MYO10: variants seen among roughly 807,000 people sequenced by gnomAD.
MYO10 encodes unconventional myosin-X.
Under a neutral mutation model 257.3 loss-of-function variants are expected in MYO10, and 133 were observed. The observed-to-expected ratio is 0.52, with a 90% CI of 0.45 to 0.60. The LOEUF is 0.60. Among genes scored for constraint, MYO10 ranks in the 20% least tolerant of loss-of-function variants. The pLI, the probability that MYO10 is intolerant of heterozygous loss-of-function variation, is 0.00. For missense variants in MYO10, 2,399 were observed against 2,635.7 expected (o/e 0.91, Z 1.97); for synonymous variants, 1,104 against 1,028.6 (o/e 1.07, Z -1.40).
intron 26 of MYO10, among the ~76,000 whole-genome samples, chr5:16,694,880 A>G (rs1173616180): frequency 6.6e-6 from 1 of 152,222 alleles, no homozygotes; most frequent in African/African-American, 2.4e-5. Context: ...CTTTGAAAGG[A>G]GCCAATAGAA....
chr5:16,701,901 G>A lies in MYO10; in HGVS notation c.2557-63C>T, dbSNP rs1014248936. 1.1e-4 allele frequency: 171 copies of A among 1,513,434 alleles called. No individual in the cohort carries two copies. The highest frequency in any genetic ancestry group is 1.4e-4 in the East Asian group (6 of 44,306). The allele number at this position is 1,513,434 out of a possible 1,614,324, so 93.8% of individuals were successfully genotyped here. Reference sequence around the variant, plus strand: ...GTACAAAAGTCCAAGCATAGCTCCCGCTTTGCAACCAGGATGAAATATGGT... The same window carrying A: ...GTACAAAAGTCCAAGCATAGCTCCCACTTTGCAACCAGGATGAAATATGGT... On this transcript the variant is annotated intron_variant, in intron 24 of 40. Coordinates refer to ENST00000513610, the MANE Select transcript of MYO10 (RefSeq NM_012334.3). This position sits in a 1 kb window ranked among gnomAD's most constrained non-coding sequence, Gnocchi z 8.1.
intron 32 of MYO10, among the ~76,000 whole-genome samples, 184 bp downstream of exon 32, chr5:16,681,125 T>C (rs906061262): frequency 2.0e-5 from 3 of 152,214 alleles, no homozygotes; most frequent in Non-Finnish European, 4.4e-5. Context: ...AATCGACCTC[T>C]AGTACGGCTT....
At position 16,891,679 on chromosome 5, in the gene MYO10, G is replaced by A. The variant is rs1307454514; in HGVS notation, c.22-13972C>T. Among the ~76,000 whole-genome samples the A allele has an allele frequency of 3.9e-5, 6 of 152,202 alleles. No individual in the cohort carries two copies. The East Asian group carries it at 9.7e-4, about 25-fold the overall frequency. On this transcript the variant is annotated intron_variant, in intron 1 of 40. Coordinates refer to ENST00000513610, the MANE Select transcript of MYO10 (RefSeq NM_012334.3). ...ACAGGGAGGGAGAGACAACTATGCA[G>A]ACAAATAGGTAGACTCACACCTGAC...
chr5:16,857,299 A>G (rs1388923888), intron 2 of MYO10, among the ~76,000 whole-genome samples: 1 of 152,228 alleles, frequency 6.6e-6, no homozygotes, highest in Non-Finnish European at 1.5e-5. Flanking sequence ...CTGACACAAT[A>G]CTGCTCAATA....
chr5:16,886,836 G>A (rs1285571771), intron 1 of MYO10, among the ~76,000 whole-genome samples: 2 of 150,878 alleles, frequency 1.3e-5, no homozygotes, highest in East Asian at 3.9e-4. Flanking sequence ...GGAGTCTGAA[G>A]CATGAGAATC....
rs70940395 is a variant in MYO10, at chr5:16,663,328, G to GTTTTTTT, written c.*3357_*3363dup. The GTTTTTTT allele has an allele frequency of 2.6e-3, 203 of 76,866 alleles. 30 individuals carry two copies. The highest frequency in any genetic ancestry group is 5.9e-3 in the African/African-American group (91 of 15,518). The allele number at this position is 76,866 out of a possible 1,614,324, so 4.8% of individuals were successfully genotyped here. On this transcript the variant is annotated 3_prime_UTR_variant, in exon 41 of 41. Transcript: ENST00000513610. ...AAAAAGTAACATTTTACTTCTAGTT[G>GTTTTTTT]TTTTTTTTTTTTTTTTTTTTTTTTT...
At chr5:16,695,069 C>T (rs1233965452) in intron 26 of MYO10, among the ~76,000 whole-genome samples, 1 of 152,174 alleles carries the variant, frequency 6.6e-6, no homozygotes, top group Non-Finnish European at 1.5e-5. Context: ...AGCGGTGGCT[C>T]ATGCCTGTAA....
chr5:16,880,575 A>C (rs946514572), intron 1 of MYO10, among the ~76,000 whole-genome samples: 1 of 152,218 alleles, frequency 6.6e-6, no homozygotes, highest in Non-Finnish European at 1.5e-5. Context: ...CTCTGCTATA[A>C]AGATGGAAAA....
At chr5:16,741,210 G>T (rs1048006900) in intron 19 of MYO10, among the ~76,000 whole-genome samples, 2 of 152,154 alleles carry the variant, frequency 1.3e-5, no homozygotes, top group Admixed American at 1.3e-4. Flanking sequence ...AACAGAATAT[G>T]CCTCATCAGG....
intron 1 of MYO10, among the ~76,000 whole-genome samples, chr5:16,913,319 A>G (rs1745725345): frequency 6.6e-6 from 1 of 152,214 alleles, no homozygotes; most frequent in African/African-American, 2.4e-5. Context: ...CTAGCAATAA[A>G]GCACAGAGAT....
intron 19 of MYO10, among the ~76,000 whole-genome samples, chr5:16,733,917 G>A (rs1051862889): frequency 2.6e-5 from 4 of 152,070 alleles, no homozygotes; most frequent in South Asian, 4.1e-4. Flanking sequence ...TGGGTGACTC[G>A]AACTGCTTAA....
At chr5:16,713,686 C>A (rs942854686) in intron 19 of MYO10, among the ~76,000 whole-genome samples, 6 of 152,136 alleles carry the variant, frequency 3.9e-5, no homozygotes, top group Admixed American at 3.3e-4. Context: ...ACCCACCCTG[C>A]GATCACAATC....
intron 1 of MYO10, among the ~76,000 whole-genome samples, chr5:16,885,227 T>C (rs1407899128): frequency 6.6e-6 from 1 of 151,606 alleles, no homozygotes; most frequent in East Asian, 1.9e-4. Flanking sequence ...CGACTTTTAA[T>C]GCAGATTATT....
At chr5:16,930,356 T>C (rs1484044034) in intron 1 of MYO10, among the ~76,000 whole-genome samples, 1 of 151,944 alleles carries the variant, frequency 6.6e-6, no homozygotes, top group Non-Finnish European at 1.5e-5. Context: ...GAGAAAAGAA[T>C]AAAGAGAGAG....
intron 30 of MYO10, among the ~76,000 whole-genome samples, chr5:16,682,477 A>G (rs1165667110): frequency 6.6e-6 from 1 of 152,206 alleles, no homozygotes; most frequent in Non-Finnish European, 1.5e-5. Flanking sequence ...TTATACAAAA[A>G]GCCACCTGGG....
At chr5:16,859,848 C>G (rs1262685796) in intron 2 of MYO10, among the ~76,000 whole-genome samples, 2 of 152,344 alleles carry the variant, frequency 1.3e-5, no homozygotes, top group African/African-American at 4.8e-5. Context: ...TGTTCACTCC[C>G]TGAGCATCCC....
chr5:16,787,858 C>T (rs539160388), intron 4 of MYO10, among the ~76,000 whole-genome samples: 8 of 152,098 alleles, frequency 5.3e-5, no homozygotes, highest in East Asian at 1.9e-4. Flanking sequence ...AGTGCAGTGG[C>T]GCAATCTTGG....
At chr5:16,878,195 A>C (rs1234331480) in intron 1 of MYO10, among the ~76,000 whole-genome samples, 3 of 152,148 alleles carry the variant, frequency 2.0e-5, no homozygotes, top group Non-Finnish European at 4.4e-5. Context: ...AATGGCTCCC[A>C]TTCTCTTAGG....
At chr5:16,771,066 C>A (rs10051929) in intron 9 of MYO10, among the ~76,000 whole-genome samples, 31,618 of 151,950 alleles carry the variant, frequency 0.21, 3,372 homozygotes, top group Middle Eastern at 0.23. Context: ...CCACGCCAGG[C>A]CAAGATTAAT....
Sources: allele counts gnomAD v4.1 joint callset (sites outside exome capture counted in the v4.1 genomes callset), GRCh38; gene constraint gnomAD v4.1.1; non-coding constraint Gnocchi (gnomAD v3.1); transcripts MANE v1.5; gene names NCBI Gene and HGNC (gene_info 2026-07-23, HGNC 2026-07-21).